The following WDR72 variants were observed in gnomAD, a reference collection of about 807,000 sequenced individuals.
WDR72 encodes the protein WD repeat domain 72.
A neutral mutation model predicts 124.2 loss-of-function variants in WDR72; 120 were observed. The ratio of observed to expected loss-of-function variants is 0.97; its 90% CI spans 0.83 to 1.12. The LOEUF (loss-of-function observed/expected upper bound fraction) is 1.12. WDR72 is among the 50% of genes most tolerant of loss of function. The pLI is 0.00. For missense variants in WDR72, 1,387 were observed against 1,278.8 expected (o/e 1.08, Z -1.29); for synonymous variants, 452 against 441.7 (o/e 1.02, Z -0.29).
At chr15:53,527,728 A>C (rs1892207612) in intron 18 of WDR72, among the ~76,000 whole-genome samples, 1 of 152,070 alleles carries the variant, frequency 6.6e-6, no homozygotes, top group Non-Finnish European at 1.5e-5. Context: ...ACCAGACCAA[A>C]GCCAAACAAA....
intron 2 of WDR72, among the ~76,000 whole-genome samples, chr15:53,728,191 T>C (rs2018098336): frequency 6.6e-6 from 1 of 152,180 alleles, no homozygotes; most frequent in African/African-American, 2.4e-5. Context: ...GCAAGTCACA[T>C]CTTACCTGGA....
intron 1 of WDR72, among the ~76,000 whole-genome samples, chr15:53,740,354 C>A (rs689938): frequency 0.31 from 45,608 of 148,922 alleles, 7,791 homozygotes; most frequent in African/African-American, 0.47. Context: ...GTCGCCCAGG[C>A]TGGAGTGCAG....
At chr15:53,545,994 C>T (rs1325162233) in intron 18 of WDR72, among the ~76,000 whole-genome samples, 4 of 133,264 alleles carry the variant, frequency 3.0e-5, no homozygotes, top group Non-Finnish European at 4.8e-5. Context: ...GAATGGCAAT[C>T]ATTAAAAAGT....
chr15:53,569,084 T>C (rs59950837), intron 18 of WDR72, among the ~76,000 whole-genome samples: 8,421 of 59,800 alleles, frequency 0.14, 649 homozygotes, highest in African/African-American at 0.31. Flanking sequence ...TCTAAAGTTT[T>C]CTTTCCTTTC....
intron 14 of WDR72, among the ~76,000 whole-genome samples, chr15:53,660,614 C>T (rs1567011149): frequency 6.6e-6 from 1 of 152,028 alleles, no homozygotes; most frequent in Admixed American, 6.6e-5. Flanking sequence ...GTCTAGAAAG[C>T]TCAACTAAAA....
At chr15:53,707,814 A>T (rs1000748627) in intron 9 of WDR72, among the ~76,000 whole-genome samples, 1 of 152,130 alleles carries the variant, frequency 6.6e-6, no homozygotes, top group African/African-American at 2.4e-5. Context: ...GCTATTTGAA[A>T]TGGTGTTGAT....
intron 13 of WDR72, 114 bp downstream of exon 13, chr15:53,699,635 AC>A: frequency 1.7e-6 from 2 of 1,150,310 alleles, no homozygotes; most frequent in Non-Finnish European, 2.5e-6. Context: ...TGCAGCCCAA[AC>A]AAAGGTTAAA....
At chr15:53,555,775 C>T (rs1246619075) in intron 18 of WDR72, among the ~76,000 whole-genome samples, 1 of 152,044 alleles carries the variant, frequency 6.6e-6, no homozygotes, top group East Asian at 1.9e-4. Context: ...ATATATATTT[C>T]TCAGCCCTTT....
chr15:53,665,537 T>C (rs1266030499), intron 14 of WDR72, 35 bp downstream of exon 14: 2 of 1,611,732 alleles, frequency 1.2e-6, no homozygotes, highest in Admixed American at 1.7e-5. Flanking sequence ...CGGTTGATAA[T>C]GTTCTTTGTG....
At position 53,615,971 on chromosome 15, in the gene WDR72, AG is replaced by A; in HGVS notation, c.2234del (p.Pro745LeufsTer28). 1 of 1,613,286 alleles carries A rather than the reference AG, an allele frequency of 6.2e-7. No individual in the cohort carries two copies. The highest frequency in any genetic ancestry group is 8.5e-7 in the Non-Finnish European group (1 of 1,179,608). On this transcript the variant is annotated frameshift_variant, in exon 15 of 20. Coordinates refer to ENST00000360509, the MANE Select transcript of WDR72 (RefSeq NM_182758.4). LOFTEE classifies it high-confidence loss of function. ...GPLSAEALAK[P>X]ITESLAQGDN... ...CTCCTTGGGCCAGGCTTTCAGTAATAGGCTTGGCTAGTGCCTCTGCTGAAAG... is the reference window on the plus strand; with the variant it reads ...CTCCTTGGGCCAGGCTTTCAGTAATAGCTTGGCTAGTGCCTCTGCTGAAAG...
intron 14 of WDR72, among the ~76,000 whole-genome samples, chr15:53,631,469 G>A (rs2014425511): frequency 6.6e-6 from 1 of 152,172 alleles, no homozygotes; most frequent in African/African-American, 2.4e-5. Flanking sequence ...ACTGAGGAGT[G>A]GAGCATTGCT....
intron 2 of WDR72, among the ~76,000 whole-genome samples, chr15:53,724,833 A>G (rs2017975945): frequency 6.6e-6 from 1 of 152,194 alleles, no homozygotes. Context: ...ACAGCTCATT[A>G]AAGTTAATAT....
chr15:53,600,242 C>A (rs997114370), intron 17 of WDR72, among the ~76,000 whole-genome samples: 1 of 152,092 alleles, frequency 6.6e-6, no homozygotes, highest in African/African-American at 2.4e-5. Context: ...GTACTTGAGT[C>A]TCTCTCTATA....
At chr15:53,617,237 C>T (rs1425461669) in intron 14 of WDR72, among the ~76,000 whole-genome samples, 1 of 151,638 alleles carries the variant, frequency 6.6e-6, no homozygotes, top group Non-Finnish European at 1.5e-5. Flanking sequence ...ACACATATCT[C>T]TATCTACATT....
intron 18 of WDR72, among the ~76,000 whole-genome samples, chr15:53,588,461 G>A (rs1345065348): frequency 6.6e-6 from 1 of 152,026 alleles, no homozygotes; most frequent in Non-Finnish European, 1.5e-5. Context: ...GACATAGTAA[G>A]TGCTTAATAA....
chr15:53,638,088 T>C (rs1566997294), intron 14 of WDR72, among the ~76,000 whole-genome samples: 3 of 152,230 alleles, frequency 2.0e-5, no homozygotes. Context: ...AGCAGCATTT[T>C]TTTCCTTTTA....
At chr15:53,610,582 A>G (rs999359401) in intron 16 of WDR72, among the ~76,000 whole-genome samples, 2 of 151,934 alleles carry the variant, frequency 1.3e-5, no homozygotes, top group African/African-American at 4.8e-5. Flanking sequence ...GTATATATAT[A>G]TATATGAATA....
intron 17 of WDR72, among the ~76,000 whole-genome samples, chr15:53,597,751 CACTA>C (rs1157061777): frequency 6.6e-6 from 1 of 152,088 alleles, no homozygotes; most frequent in East Asian, 1.9e-4. Context: ...TAATAAATCT[CACTA>C]ACTTTTGTGT....
At chr15:53,689,082 T>C (rs2140498933) in intron 13 of WDR72, among the ~76,000 whole-genome samples, 1 of 152,314 alleles carries the variant, frequency 6.6e-6, no homozygotes, top group East Asian at 1.9e-4. Flanking sequence ...GATTAAAGAC[T>C]TAAACGTTAA....
Sources: allele counts gnomAD v4.1 joint callset (sites outside exome capture counted in the v4.1 genomes callset), GRCh38; gene constraint gnomAD v4.1.1; transcripts MANE v1.5; gene names NCBI Gene and HGNC (gene_info 2026-07-23, HGNC 2026-07-21).